The following CFAP54 variants were observed in gnomAD, a reference collection of about 807,000 sequenced individuals.
CFAP54 encodes the protein cilia and flagella associated protein 54.
In CFAP54, 290 loss-of-function variants were observed where a neutral mutation model predicts 370.4. That is an observed-to-expected ratio of 0.78 (90% confidence interval 0.71 to 0.86). The LOEUF is 0.86. Ranked by LOEUF, CFAP54 falls within the 40% of genes least tolerant of loss-of-function variation. The pLI is 0.00. For synonymous variants in CFAP54, 1,206 were observed against 1,236.5 expected, an observed-to-expected ratio of 0.98 and a Z score of 0.52; for missense variants, 3,399 against 3,528.7, an observed-to-expected ratio of 0.96 and a Z score of 0.93.
Position 96,594,433 on chromosome 12 carries a change from T to C in CFAP54, c.3503T>C (p.Val1168Ala), listed in dbSNP as rs1460537349. Residue 1168 changes from valine (V) to alanine (A), a missense_variant, in exon 25 of 68, where the codon GTA (valine) becomes GCA (alanine). Val to Ala is a moderately conservative substitution (Grantham distance 64, BLOSUM62 0). This residue lies in a region of CFAP54 where 2,796 missense variants were observed against 2,869.7 expected (regional missense o/e 0.97). Transcript: ENST00000524981. ...APIIYHNIVL[V>A]PVVQILIKCI... Reference sequence around the variant, plus strand: ...ATAATTTATCACAATATTGTTTTGGTACCTGTTGTACAGGTAAGGGTATTC... The same window carrying C: ...ATAATTTATCACAATATTGTTTTGGCACCTGTTGTACAGGTAAGGGTATTC... 2 of 1,530,580 alleles carry C rather than the reference T, an allele frequency of 1.3e-6. No individual in the cohort carries two copies. The highest frequency in any genetic ancestry group is 1.7e-6 in the Non-Finnish European group (2 of 1,142,890). The allele number at this position is 1,530,580 out of a possible 1,614,324, so 94.8% of individuals were successfully genotyped here.
intron 32 of CFAP54, among the ~76,000 whole-genome samples, chr12:96,640,571 C>G (rs1956714731): frequency 6.6e-6 from 1 of 152,076 alleles, no homozygotes; most frequent in South Asian, 2.1e-4. Flanking sequence ...ATTGGAAAAA[C>G]CTACTTTAAA....
chr12:96,738,413 C>T lies in CFAP54; in HGVS notation c.6966-1543C>T, dbSNP rs115096964. 4.5e-3 allele frequency among the ~76,000 whole-genome samples: 681 copies of T among 152,156 alleles called. 4 individuals carry two copies. Among genetic ancestry groups the T allele is most frequent in the African/African-American group, 0.016 (648 of 41,504 alleles). ...GTCCTAGAGGCAAGACTTCTGAAAT[C>T]GAGGTGTCGATGGGGCCACACTTGT... On this transcript the variant is annotated intron_variant, in intron 50 of 67. Coordinates refer to ENST00000524981, the MANE Select transcript of CFAP54 (RefSeq NM_001306084.2).
At chr12:96,549,217 T>A (rs1412812351) in intron 15 of CFAP54, among the ~76,000 whole-genome samples, 4 of 152,178 alleles carry the variant, frequency 2.6e-5, no homozygotes. Context: ...TAGCACTTAT[T>A]CTCTGAGGCA....
intron 1 of CFAP54, among the ~76,000 whole-genome samples, chr12:96,499,253 C>T (rs150426995): frequency 0.013 from 1,995 of 152,218 alleles, 60 homozygotes; most frequent in African/African-American, 0.046. Flanking sequence ...GCTGGGATTA[C>T]AGGCATGAGC....
At chr12:96,699,702 A>G (rs919124787) in intron 45 of CFAP54, among the ~76,000 whole-genome samples, 2 of 152,166 alleles carry the variant, frequency 1.3e-5, no homozygotes, top group Non-Finnish European at 2.9e-5. Context: ...TTTGCCTCTG[A>G]TGAAGTAAGC....
chr12:96,531,360 T>C (rs1010632801), intron 9 of CFAP54, among the ~76,000 whole-genome samples: 1 of 152,174 alleles, frequency 6.6e-6, no homozygotes, highest in African/African-American at 2.4e-5. Flanking sequence ...CTCTTTCTTA[T>C]GACATTCTTA....
chr12:96,827,842 A>G lies in CFAP54; in HGVS notation c.9097-1172A>G, dbSNP rs1394470429. 7.1e-5 allele frequency among the ~76,000 whole-genome samples: 8 copies of G among 112,814 alleles called. 1 individual carries two copies. Among genetic ancestry groups the G allele is most frequent in the African/African-American group, 2.9e-4 (8 of 27,990 alleles). 74.0% of individuals were successfully genotyped at this position (112,814 alleles called of 152,430 possible). On this transcript the variant is annotated intron_variant, in intron 65 of 67. Coordinates refer to ENST00000524981, the MANE Select transcript of CFAP54 (RefSeq NM_001306084.2). ...TATTATATATAGTTATATATAATAT[A>G]TAATTATATATAATACATAGTAATA...
intron 24 of CFAP54, among the ~76,000 whole-genome samples, chr12:96,593,439 A>G (rs1394864842): frequency 6.6e-6 from 1 of 152,130 alleles, no homozygotes; most frequent in Non-Finnish European, 1.5e-5. Context: ...GGGGATATAA[A>G]AGTGGAAAAA....
intron 36 of CFAP54, among the ~76,000 whole-genome samples, chr12:96,655,298 C>A (rs1592690967): frequency 3.4e-5 from 5 of 147,302 alleles, no homozygotes; most frequent in African/African-American, 9.9e-5. Flanking sequence ...CTAAAGGAAA[C>A]AGGGCTTCTT....
At chr12:96,607,660 A>T (rs1956315184) in intron 26 of CFAP54, among the ~76,000 whole-genome samples, 1 of 152,236 alleles carries the variant, frequency 6.6e-6, no homozygotes, top group Non-Finnish European at 1.5e-5. Context: ...AGTCCCAGGC[A>T]GGATTAATAT....
intron 26 of CFAP54, among the ~76,000 whole-genome samples, chr12:96,612,032 G>A (rs974581247): frequency 6.6e-6 from 1 of 152,044 alleles, no homozygotes; most frequent in African/African-American, 2.4e-5. Flanking sequence ...CAAATTCAGG[G>A]TTACAGAGAA....
At chr12:96,676,555 A>AT (rs939516613) in intron 39 of CFAP54, among the ~76,000 whole-genome samples, 2 of 151,582 alleles carry the variant, frequency 1.3e-5, no homozygotes, top group Admixed American at 6.6e-5. Context: ...TTATTTAGTT[A>AT]TTTTTTTTGA....
At chr12:96,566,795 A>G (rs930370166) in intron 19 of CFAP54, among the ~76,000 whole-genome samples, 1 of 152,180 alleles carries the variant, frequency 6.6e-6, no homozygotes, top group Non-Finnish European at 1.5e-5. Context: ...CCATTTCGCA[A>G]TTATGTATTG....
chr12:96,645,269 A>T (rs917526375), intron 33 of CFAP54: 8 of 414,686 alleles, frequency 1.9e-5, no homozygotes, highest in African/African-American at 6.1e-5. Flanking sequence ...TACAAAATCA[A>T]TGAGCAAAAA....
At chr12:96,771,610 C>T (rs1234365495) in intron 60 of CFAP54, among the ~76,000 whole-genome samples, 1 of 152,154 alleles carries the variant, frequency 6.6e-6, no homozygotes, top group Non-Finnish European at 1.5e-5. Context: ...CGAGATAGCG[C>T]CACTGCACTC....
In CFAP54 at chr12:96,507,086, G is replaced by T. The variant is rs1363362877; in HGVS notation, c.726G>T (p.Trp242Cys). 4 of 1,530,606 alleles carry T rather than the reference G, an allele frequency of 2.6e-6. No homozygotes were observed. In the African/African-American group the frequency reaches 4.1e-5, roughly 16 times the overall value. 94.8% of individuals were successfully genotyped at this position (1,530,606 alleles called of 1,614,324 possible). ...CTCTGCCACAAGAGCATCTTTGCTGGATTATCTTCAATGGTATATGCTGAT... is the reference window on the plus strand; with the variant it reads ...CTCTGCCACAAGAGCATCTTTGCTGTATTATCTTCAATGGTATATGCTGAT... ...QVALPQEHLC[W>C]IIFNGTIYIY... Residue 242 changes from tryptophan to cysteine, a missense_variant, in exon 4 of 68, where the codon TGG becomes TGT. Trp to Cys is a radical substitution (Grantham distance 215). Transcript: ENST00000524981.
intron 66 of CFAP54, among the ~76,000 whole-genome samples, chr12:96,842,940 A>G (rs1959237512): frequency 6.6e-6 from 1 of 152,364 alleles, no homozygotes; most frequent in South Asian, 2.1e-4. Context: ...AGAAATTGCC[A>G]GTTACTATTG....
intron 8 of CFAP54, among the ~76,000 whole-genome samples, chr12:96,523,934 GA>G (rs1955347310): frequency 6.8e-6 from 1 of 147,768 alleles, no homozygotes; most frequent in Non-Finnish European, 1.5e-5. Context: ...TTTTTTTTAA[GA>G]AAAAATTGTA....
At chr12:96,600,987 C>G (rs1160818790) in intron 26 of CFAP54, among the ~76,000 whole-genome samples, 1 of 152,090 alleles carries the variant, frequency 6.6e-6, no homozygotes, top group East Asian at 1.9e-4. Flanking sequence ...CCAGAATTTC[C>G]AATACTATGT....
Sources: allele counts gnomAD v4.1 joint callset (sites outside exome capture counted in the v4.1 genomes callset), GRCh38; gene constraint gnomAD v4.1.1; regional missense constraint gnomAD v4.1.1; transcripts MANE v1.5; gene names NCBI Gene and HGNC (gene_info 2026-07-23, HGNC 2026-07-21).